KCNK13: variants seen among roughly 807,000 people sequenced by gnomAD.
The protein encoded by KCNK13 is potassium channel subfamily K member 13.
KCNK13 carries 12 observed loss-of-function variants against 23.4 expected under a neutral mutation model. The ratio of observed to expected loss-of-function variants is 0.51; its 90% confidence interval spans 0.33 to 0.83. The LOEUF is 0.83. Ranked by LOEUF, KCNK13 falls within the 40% of genes least tolerant of loss-of-function variation. The probability of loss-of-function intolerance (pLI) is 0.02; values close to 1 mark genes in which losing one functional copy is unlikely to be tolerated. For synonymous variants in KCNK13, 231 were observed against 229.5 expected, an observed-to-expected ratio of 1.01 and a Z score of -0.06; for missense variants, 463 against 556.3, an observed-to-expected ratio of 0.83 and a Z score of 1.69.
intron 1 of KCNK13, among the ~76,000 whole-genome samples, chr14:90,169,270 G>A (rs1890338429): frequency 6.6e-6 from 1 of 152,144 alleles, no homozygotes; most frequent in Non-Finnish European, 1.5e-5. Flanking sequence ...TATATCTTTG[G>A]TGTCATCTGC....
chr14:90,158,304 G>C (rs924170932), intron 1 of KCNK13, among the ~76,000 whole-genome samples: 1 of 152,202 alleles, frequency 6.6e-6, no homozygotes, highest in African/African-American at 2.4e-5. Flanking sequence ...AAATGTCCCC[G>C]CACCCATGCC....
At chr14:90,179,453 C>A (rs1318171088) in intron 1 of KCNK13, among the ~76,000 whole-genome samples, 3 of 152,070 alleles carry the variant, frequency 2.0e-5, no homozygotes, top group Non-Finnish European at 4.4e-5. Context: ...TGGACTGGGA[C>A]CTTGGCAGTC....
chr14:90,079,404 C>T (rs567094069), intron 1 of KCNK13, among the ~76,000 whole-genome samples: 135 of 152,222 alleles, frequency 8.9e-4, no homozygotes, highest in African/African-American at 3.1e-3. Context: ...GCATAAATTA[C>T]ACCTTAGAAT....
intron 1 of KCNK13, among the ~76,000 whole-genome samples, chr14:90,073,247 T>C (rs971286660): frequency 6.6e-6 from 1 of 152,132 alleles, no homozygotes; most frequent in Non-Finnish European, 1.5e-5. Flanking sequence ...CAGGGGAGGC[T>C]GATGATGTCT....
At chr14:90,129,265 A>G (rs1192502835) in intron 1 of KCNK13, among the ~76,000 whole-genome samples, 3 of 152,114 alleles carry the variant, frequency 2.0e-5, no homozygotes, top group Non-Finnish European at 2.9e-5. Context: ...GTTTGGGGGC[A>G]CTGGGGCTTT....
chr14:90,149,817 G>A (rs1890115125), intron 1 of KCNK13, among the ~76,000 whole-genome samples: 1 of 152,182 alleles, frequency 6.6e-6, no homozygotes, highest in Admixed American at 6.5e-5. Context: ...AGTACACACT[G>A]AATTCAGAGA....
chr14:90,098,520 G>A (rs1218185237), intron 1 of KCNK13, among the ~76,000 whole-genome samples: 1 of 151,156 alleles, frequency 6.6e-6, no homozygotes. Flanking sequence ...CGAGGTGGGC[G>A]GATCACCTGA....
chr14:90,119,162 C>T (rs1025958185), intron 1 of KCNK13, among the ~76,000 whole-genome samples: 20 of 151,912 alleles, frequency 1.3e-4, no homozygotes, highest in African/African-American at 4.4e-4. Context: ...AGCCTACCAA[C>T]CAAAAAAAAG....
chr14:90,098,250 T>C (rs771832297), intron 1 of KCNK13, among the ~76,000 whole-genome samples: 4 of 152,252 alleles, frequency 2.6e-5, no homozygotes, highest in Non-Finnish European at 5.9e-5. Flanking sequence ...GACTATTTCA[T>C]TGGCATTTAT....
At chr14:90,170,235 A>G (rs1434037764) in intron 1 of KCNK13, among the ~76,000 whole-genome samples, 1 of 151,936 alleles carries the variant, frequency 6.6e-6, no homozygotes, top group Non-Finnish European at 1.5e-5. Flanking sequence ...TTATTTTGAG[A>G]CAGAGTCTCA....
intron 1 of KCNK13, among the ~76,000 whole-genome samples, chr14:90,111,569 TG>T (rs1889615617): frequency 6.6e-6 from 1 of 152,052 alleles, no homozygotes; most frequent in Non-Finnish European, 1.5e-5. Context: ...GACAGTGAAA[TG>T]TTCGCTTTTG....
At chr14:90,168,827 C>T (rs533385793) in intron 1 of KCNK13, among the ~76,000 whole-genome samples, 12 of 152,294 alleles carry the variant, frequency 7.9e-5, no homozygotes, top group Non-Finnish European at 8.8e-5. Flanking sequence ...ATAATCCCCA[C>T]GTGTTAAGGG....
chr14:90,072,534 G>A (rs1889088300), intron 1 of KCNK13, among the ~76,000 whole-genome samples: 1 of 152,166 alleles, frequency 6.6e-6, no homozygotes, highest in Admixed American at 6.5e-5. Flanking sequence ...CTTATCTTTG[G>A]GAGGGAGGAC....
At chr14:90,155,218 T>C (rs1347509157) in intron 1 of KCNK13, among the ~76,000 whole-genome samples, 2 of 152,084 alleles carry the variant, frequency 1.3e-5, no homozygotes, top group African/African-American at 4.8e-5. Flanking sequence ...GGATGAGGCT[T>C]GCAGCTATCT....
chr14:90,067,148 A>G (rs1889019284), intron 1 of KCNK13, among the ~76,000 whole-genome samples: 1 of 152,220 alleles, frequency 6.6e-6, no homozygotes, highest in Non-Finnish European at 1.5e-5. Context: ...CTGTGCCTGT[A>G]GTCCCAGCTA....
Position 90,117,201 on chromosome 14 carries a change from A to G in KCNK13, c.334+54662A>G, listed in dbSNP as rs115777686. On this transcript the variant is annotated intron_variant, in intron 1 of 1. Coordinates refer to ENST00000282146, the MANE Select transcript of KCNK13 (RefSeq NM_022054.4). ...CTCATTGACTCAGGGGCAGCAGTGT[A>G]TACAGCTGGACAAAGGGATGAACAT... Among the ~76,000 whole-genome samples, 194 of 152,318 alleles carry G rather than the reference A, an allele frequency of 1.3e-3. 1 individual carries two copies. Among genetic ancestry groups the G allele is most frequent in the African/African-American group, 4.5e-3 (185 of 41,570 alleles).
intron 1 of KCNK13, among the ~76,000 whole-genome samples, chr14:90,092,912 CAAA>C (rs34122207): frequency 4.9e-4 from 38 of 78,298 alleles, no homozygotes; most frequent in African/African-American, 1.7e-3. Flanking sequence ...ACCCTGTCTC[CAAA>C]AAAAAAAAAA....
chr14:90,155,152 T>C (rs754308311), intron 1 of KCNK13, among the ~76,000 whole-genome samples: 2 of 151,612 alleles, frequency 1.3e-5, no homozygotes, highest in Non-Finnish European at 2.9e-5. Context: ...TTTAGGGTGG[T>C]TGGGGAAGGC....
At chr14:90,171,449 A>G (rs950622596) in intron 1 of KCNK13, among the ~76,000 whole-genome samples, 1 of 152,182 alleles carries the variant, frequency 6.6e-6, no homozygotes, top group Non-Finnish European at 1.5e-5. Context: ...ATGATTGTGG[A>G]CCCTGAACAT....
Sources: allele counts gnomAD v4.1 joint callset (sites outside exome capture counted in the v4.1 genomes callset), GRCh38; gene constraint gnomAD v4.1.1; transcripts MANE v1.5; gene names NCBI Gene and HGNC (gene_info 2026-07-23, HGNC 2026-07-21).